Variants in PABPC4L observed in about 807,000 individuals in gnomAD.
PABPC4L encodes the protein polyadenylate-binding protein 4-like.
For synonymous variants in PABPC4L, 169 were observed against 164.1 expected, an observed-to-expected ratio of 1.03 and a Z score of -0.23; for missense variants, 452 against 451.4, an observed-to-expected ratio of 1.00 and a Z score of -0.01.
At chr4:134,019,739 A>C in the PABPC4L span, among the ~76,000 whole-genome samples, 2 of 152,126 alleles carry the variant, frequency 1.3e-5, no homozygotes, top group Non-Finnish European at 2.9e-5. Flanking sequence ...AGTAGTTTTA[A>C]ACAATACATG....
the PABPC4L span, among the ~76,000 whole-genome samples, chr4:134,122,825 A>T: frequency 1.3e-5 from 2 of 151,762 alleles, no homozygotes; most frequent in African/African-American, 4.8e-5. Flanking sequence ...TTATGTATTG[A>T]TGATTTTATT....
chr4:134,195,854 G>T (rs903442034), downstream of PABPC4L, among the ~76,000 whole-genome samples: 13 of 151,612 alleles, frequency 8.6e-5, no homozygotes, highest in Non-Finnish European at 1.6e-4. Context: ...AAATGTATGT[G>T]TAACTCAGAT....
the PABPC4L span, among the ~76,000 whole-genome samples, chr4:134,125,290 G>A: frequency 0.2 from 29,661 of 151,412 alleles, 3,953 homozygotes; most frequent in East Asian, 0.5. Context: ...ACATATTTCC[G>A]TCAAATATCA....
the PABPC4L span, among the ~76,000 whole-genome samples, chr4:133,991,703 G>C: frequency 1.3e-5 from 2 of 152,174 alleles, no homozygotes; most frequent in Non-Finnish European, 2.9e-5. Context: ...CTGGGACAGG[G>C]CACGTTCTAA....
chr4:134,082,724 C>T, the PABPC4L span, among the ~76,000 whole-genome samples: 1 of 151,952 alleles, frequency 6.6e-6, no homozygotes, highest in African/African-American at 2.4e-5. Flanking sequence ...ATTTCATTCT[C>T]TCCTCAACCT....
the PABPC4L span, among the ~76,000 whole-genome samples, chr4:134,079,550 C>T: frequency 7.4e-6 from 1 of 135,604 alleles, no homozygotes; most frequent in South Asian, 2.5e-4. Flanking sequence ...CTGCACTCCA[C>T]CCTGGACAAC....
chr4:134,082,906 G>A, the PABPC4L span, among the ~76,000 whole-genome samples: 1 of 152,134 alleles, frequency 6.6e-6, no homozygotes, highest in African/African-American at 2.4e-5. Context: ...CTGGAAGCTG[G>A]CTGAGACTGT....
the PABPC4L span, among the ~76,000 whole-genome samples, chr4:134,037,688 T>A: frequency 6.6e-6 from 1 of 152,134 alleles, no homozygotes; most frequent in African/African-American, 2.4e-5. Context: ...ATCATGGAAA[T>A]GCAAATTAAA....
At chr4:134,171,197 C>A in the PABPC4L span, among the ~76,000 whole-genome samples, 1 of 152,088 alleles carries the variant, frequency 6.6e-6, no homozygotes, top group Non-Finnish European at 1.5e-5. Flanking sequence ...CTCACTGCAA[C>A]CTCCACCTCC....
the PABPC4L span, among the ~76,000 whole-genome samples, chr4:134,132,814 G>A: frequency 6.0e-5 from 9 of 149,006 alleles, no homozygotes; most frequent in Middle Eastern, 3.5e-3. Flanking sequence ...CAGCCCAAAT[G>A]CCCATCAATC....
At chr4:133,964,146 C>A in the PABPC4L span, among the ~76,000 whole-genome samples, 1 of 152,018 alleles carries the variant, frequency 6.6e-6, no homozygotes, top group Non-Finnish European at 1.5e-5. Flanking sequence ...GATATTACAA[C>A]TGACACCACA....
chr4:134,000,085 C>T, the PABPC4L span, among the ~76,000 whole-genome samples: 1 of 151,982 alleles, frequency 6.6e-6, no homozygotes, highest in Non-Finnish European at 1.5e-5. Context: ...CATGTGTTTA[C>T]ATGGAAATAT....
chr4:134,092,890 G>A, the PABPC4L span, among the ~76,000 whole-genome samples: 1 of 151,968 alleles, frequency 6.6e-6, no homozygotes, highest in Non-Finnish European at 1.5e-5. Flanking sequence ...CCTTTTCTGA[G>A]GTAATTTCCT....
At chr4:133,983,713 T>C in the PABPC4L span, among the ~76,000 whole-genome samples, 1 of 151,848 alleles carries the variant, frequency 6.6e-6, no homozygotes, top group African/African-American at 2.4e-5. Flanking sequence ...TATTTTGTAT[T>C]ACATTTTAGG....
the PABPC4L span, among the ~76,000 whole-genome samples, chr4:134,133,142 A>G: frequency 2.7e-5 from 1 of 36,562 alleles, no homozygotes; most frequent in Non-Finnish European, 4.1e-5. Flanking sequence ...ACATATAATT[A>G]TATATTATAT....
chr4:134,102,473 G>A, the PABPC4L span, among the ~76,000 whole-genome samples: 1 of 151,392 alleles, frequency 6.6e-6, no homozygotes, highest in Non-Finnish European at 1.5e-5. Context: ...TATAGCATGA[G>A]AATTATAATG....
the PABPC4L span, among the ~76,000 whole-genome samples, chr4:134,019,553 G>A: frequency 1.3e-5 from 2 of 152,038 alleles, no homozygotes; most frequent in Non-Finnish European, 2.9e-5. Flanking sequence ...AATGACAATC[G>A]GTAGCTATAA....
At chr4:134,090,523 C>T in the PABPC4L span, among the ~76,000 whole-genome samples, 1 of 152,090 alleles carries the variant, frequency 6.6e-6, no homozygotes, top group Non-Finnish European at 1.5e-5. Context: ...ATTGCAGCAA[C>T]TCAGAAAGCT....
the PABPC4L span, among the ~76,000 whole-genome samples, chr4:134,120,758 T>C: frequency 6.6e-6 from 1 of 151,516 alleles, no homozygotes; most frequent in Non-Finnish European, 1.5e-5. Context: ...ACACTGAATA[T>C]TTCTCTTTAT....
Sources: gnomAD v4.1 joint callset for allele counts (sites outside exome capture counted in the v4.1 genomes callset) on GRCh38, gnomAD v4.1.1 for gene constraint, MANE v1.5 for transcripts, NCBI Gene and HGNC (gene_info 2026-07-23, HGNC 2026-07-21) for gene names.